GON4L: variants seen among roughly 807,000 people sequenced by gnomAD.
The protein encoded by GON4L is GON-4-like protein.
In GON4L, 87 loss-of-function variants were observed where a neutral mutation model predicts 211.8. The ratio of observed to expected loss-of-function variants is 0.41; its 90% CI spans 0.35 to 0.49. The LOEUF (loss-of-function observed/expected upper bound fraction) is 0.49. GON4L is among the 20% of genes least tolerant of loss of function. The pLI is 0.15. For synonymous variants in GON4L, 875 were observed against 962.6 expected (o/e 0.91, Z 1.68); for missense variants, 2,155 against 2,659.5 (o/e 0.81, Z 4.17).
chr1:155,778,562 AATTTT>A (rs1438001396), intron 14 of GON4L, among the ~76,000 whole-genome samples: 1 of 152,066 alleles, frequency 6.6e-6, no homozygotes, highest in African/African-American at 2.4e-5. Flanking sequence ...TCAAAATTTT[AATTTT>A]AAGTTTCAGA....
intron 4 of GON4L, among the ~76,000 whole-genome samples, chr1:155,821,806 A>G (rs992724008): frequency 2.6e-5 from 4 of 152,254 alleles, no homozygotes; most frequent in African/African-American, 9.6e-5. Flanking sequence ...AATGGCTCAC[A>G]TAAAAGGAGA....
At chr1:155,810,006 A>T (rs1411214674) in intron 10 of GON4L, among the ~76,000 whole-genome samples, 5 of 138,554 alleles carry the variant, frequency 3.6e-5, no homozygotes, top group African/African-American at 1.4e-4. Flanking sequence ...ATATATATAT[A>T]TATTTTTGAA....
chr1:155,815,974 G>A, intron 7 of GON4L, 74 bp from the exon 8 acceptor site: 2 of 936,390 alleles, frequency 2.1e-6, no homozygotes, highest in Non-Finnish European at 3.5e-6. Context: ...ATAAGGGGAA[G>A]AAGCAGGGCA....
rs188230531 is a variant in GON4L, at chr1:155,754,518, C to T, written c.5518-30G>A. On this transcript the variant is annotated intron_variant, in intron 27 of 31. Coordinates refer to ENST00000368331, the MANE Select transcript of GON4L (RefSeq NM_001282860.2). ...GAGATACTTGGGCTTGATTAGCTGC[C>T]AAGTTGTTTTTTTTTTTTTTTTTTT... is the stretch of plus-strand genomic sequence containing the variant. The T allele has an allele frequency of 2.7e-4, 213 of 796,274 alleles. 1 individual carries two copies. In the African/African-American group the frequency reaches 3.4e-3, roughly 13 times the overall value. The allele number at this position is 796,274 out of a possible 1,614,324, so 49.3% of individuals were successfully genotyped here.
At chr1:155,831,109 G>A (rs1669718246) in intron 2 of GON4L, among the ~76,000 whole-genome samples, 1 of 152,042 alleles carries the variant, frequency 6.6e-6, no homozygotes, top group South Asian at 2.1e-4. Flanking sequence ...TACCAGCCTG[G>A]TTAATGTGGT....
rs190663501 is a variant in GON4L, at chr1:155,828,234, A to C, written c.506-1206T>G. Among the ~76,000 whole-genome samples the C allele has an allele frequency of 5.1e-4, 78 of 152,170 alleles. No homozygotes were observed. The East Asian group carries it at 0.014, about 28-fold the overall frequency. Reference sequence around the variant, plus strand: ...CTGGGCGCAGTGGCTCACATCTGTAATCTCAGCACTATGGAAGGCTGAGGC... The same window carrying C: ...CTGGGCGCAGTGGCTCACATCTGTACTCTCAGCACTATGGAAGGCTGAGGC... On this transcript the variant is annotated intron_variant, in intron 2 of 31. Coordinates refer to ENST00000368331, the MANE Select transcript of GON4L (RefSeq NM_001282860.2).
Position 155,762,317 on chromosome 1 carries a change from C to T in GON4L, c.4784G>A (p.Arg1595Gln), listed in dbSNP as rs745402234. 1.9e-5 allele frequency: 30 copies of T among 1,613,522 alleles called. No homozygotes were observed. Among genetic ancestry groups the T allele is most frequent in the Non-Finnish European group, 2.3e-5 (27 of 1,179,670 alleles). ...GRNNHRARNKRGSRARASKDT... is the reference protein window; with the variant it reads ...GRNNHRARNKQGSRARASKDT... ...CTTGCTGGCCCGAGCCCGACTTCCCCGCTTGTTGCGAGCTCGATGATTGTT... is the reference window on the plus strand; with the variant it reads ...CTTGCTGGCCCGAGCCCGACTTCCCTGCTTGTTGCGAGCTCGATGATTGTT... The change falls in exon 23 of 32, where the codon CGG becomes CAG. Residue 1595 changes from arginine to glutamine, a missense_variant. Physicochemically the swap from Arg to Gln is conservative, Grantham distance 43. This residue lies in a region of GON4L where 455 missense variants were observed against 504.6 expected (regional missense o/e 0.90). Coordinates refer to ENST00000368331, the MANE Select transcript of GON4L (RefSeq NM_001282860.2).
At chr1:155,785,416 T>C (rs149829828) in intron 12 of GON4L, 42 bp from the exon 13 acceptor site, 335 of 1,361,678 alleles carry the variant, frequency 2.5e-4, no homozygotes, top group Middle Eastern at 1.1e-3. Flanking sequence ...ATAAATTAGA[T>C]TTTACAATAA....
At chr1:155,790,535 C>T (rs563102453) in intron 12 of GON4L, among the ~76,000 whole-genome samples, 1 of 152,302 alleles carries the variant, frequency 6.6e-6, no homozygotes, top group South Asian at 2.1e-4. Context: ...AGCCACTACG[C>T]CCAGTTAGTA....
intron 11 of GON4L, 115 bp from the exon 12 acceptor site, chr1:155,795,266 G>C (rs576689237): frequency 2.9e-6 from 2 of 700,724 alleles, no homozygotes; most frequent in East Asian, 5.7e-5. Flanking sequence ...TCACTCTGTC[G>C]CCCAGGCTGG....
intron 21 of GON4L, among the ~76,000 whole-genome samples, chr1:155,763,986 G>A (rs1364147196): frequency 3.4e-5 from 5 of 146,052 alleles, no homozygotes; most frequent in African/African-American, 5.0e-5. Flanking sequence ...CCGGGAGACA[G>A]AGTAAGACTC....
At chr1:155,821,339 T>C in intron 5 of GON4L, 135 bp downstream of exon 5, 1 of 502,686 alleles carries the variant, frequency 2.0e-6, no homozygotes, top group South Asian at 2.6e-5. Flanking sequence ...TACCAAGTAA[T>C]TCTTATGTTT....
intron 10 of GON4L, among the ~76,000 whole-genome samples, chr1:155,809,541 A>ATTATATACTTATAAATTATATAC (rs1245507036): frequency 4.8e-5 from 7 of 144,378 alleles, no homozygotes; most frequent in Non-Finnish European, 9.1e-5. Flanking sequence ...ATAATTATAA[A>ATTATATACTTATAAATTATATAC]TTATATACTT....
At position 155,766,050 on chromosome 1, in the gene GON4L, T is replaced by G; in HGVS notation, c.3423A>C (p.Ala1141=). ...TAGCAGGAACAGTGAAGATAACAGA[T>G]GCAGGGTGGTGGATAACAGGGGCAG... ...MKPAPVIHHP[A]SVIFTVPATT... is the part of the protein sequence containing the mutation. Residue 1141 remains alanine, a synonymous_variant, in exon 21 of 32, where the codon GCA becomes GCC. Coordinates refer to ENST00000368331, the MANE Select transcript of GON4L (RefSeq NM_001282860.2). The G allele has an allele frequency of 6.2e-7, 1 of 1,614,126 alleles. No individual in the cohort carries two copies. Among genetic ancestry groups the G allele is most frequent in the Non-Finnish European group, 8.5e-7 (1 of 1,180,018 alleles).
At chr1:155,781,437 C>T (rs999447562) in intron 14 of GON4L, among the ~76,000 whole-genome samples, 4 of 134,196 alleles carry the variant, frequency 3.0e-5, no homozygotes, top group African/African-American at 5.5e-5. Context: ...CCAGCCACCA[C>T]GCCTGATCTA....
At chr1:155,831,247 C>T (rs1260075128) in intron 2 of GON4L, among the ~76,000 whole-genome samples, 2 of 151,940 alleles carry the variant, frequency 1.3e-5, no homozygotes, top group Non-Finnish European at 1.5e-5. Flanking sequence ...AGCAGTGAGC[C>T]GTAATTGCAC....
At chr1:155,770,972 T>G in intron 19 of GON4L, 95 bp downstream of exon 19, 4 of 1,542,564 alleles carry the variant, frequency 2.6e-6, no homozygotes, top group Non-Finnish European at 3.6e-6. Flanking sequence ...TAGCTTTAGA[T>G]AAAAGAAGGT....
intron 2 of GON4L, among the ~76,000 whole-genome samples, chr1:155,839,265 A>G (rs539656850): frequency 7.1e-4 from 108 of 152,270 alleles, no homozygotes; most frequent in African/African-American, 2.5e-3. Context: ...ATAATTCTAC[A>G]TAAGAAAGAA....
intron 2 of GON4L, among the ~76,000 whole-genome samples, chr1:155,836,164 G>A (rs1670274087): frequency 6.6e-6 from 1 of 151,940 alleles, no homozygotes; most frequent in African/African-American, 2.4e-5. Context: ...AGAATTGCTT[G>A]AACCCAAAGA....
Sources: gnomAD v4.1 joint callset for allele counts (sites outside exome capture counted in the v4.1 genomes callset) on GRCh38, gnomAD v4.1.1 for gene constraint, gnomAD v4.1.1 regional missense constraint, MANE v1.5 for transcripts, NCBI Gene and HGNC (gene_info 2026-07-23, HGNC 2026-07-21) for gene names.